The following ATXN2L variants were observed in gnomAD, a reference collection of about 807,000 sequenced individuals.
ATXN2L encodes ataxin 2 like, also known as ataxin-2-like protein.
In ATXN2L, 24 loss-of-function variants were observed where a neutral mutation model predicts 120.7. That is an observed-to-expected ratio of 0.20 (90% confidence interval 0.14 to 0.28). ATXN2L has a LOEUF of 0.28. Ranked by LOEUF, ATXN2L falls within the 10% of genes least tolerant of loss-of-function variation. ATXN2L has a pLI of 1.00. For synonymous variants in ATXN2L, 653 were observed against 568.1 expected (o/e 1.15, Z -2.13); for missense variants, 1,312 against 1,432.3 (o/e 0.92, Z 1.36).
chr16:28,824,492 A>T (rs1473245690), intron 1 of ATXN2L: 1 of 1,288,296 alleles, frequency 7.8e-7, no homozygotes, highest in Admixed American at 2.3e-5. Context: ...ACCGCCGGTT[A>T]CATCAGCCAG....
At chr16:28,824,643 T>G in intron 1 of ATXN2L, 1 of 1,154,162 alleles carries the variant, frequency 8.7e-7, no homozygotes, top group Non-Finnish European at 1.1e-6. Flanking sequence ...TGAAAATGAT[T>G]GTCTTTTCTG....
At chr16:28,824,146 C>T (rs1014392195) in intron 1 of ATXN2L, 5 of 1,023,888 alleles carry the variant, frequency 4.9e-6, no homozygotes, top group African/African-American at 1.7e-5. Context: ...GCGCCCCCTT[C>T]CCGTACGTGC....
rs965736612 is a variant in ATXN2L, at chr16:28,835,385, C to T, written c.2671C>T (p.Pro891Ser). Residue 891 changes from proline to serine, a missense_variant, in exon 20 of 22, where the codon CCC becomes TCC. Transcript: ENST00000336783. ...CCAGCCGCAGTCCCAGCATGCGGCCCCCAGTCCTGTCCAGGTGCCTGCCAT... is the reference window on the plus strand; with the variant it reads ...CCAGCCGCAGTCCCAGCATGCGGCCTCCAGTCCTGTCCAGGTGCCTGCCAT... ...GSQPQSQHAA[P>S]SPVQHQAGQA... 1.9e-6 allele frequency: 3 copies of T among 1,612,932 alleles called. No individual in the cohort carries two copies. Among genetic ancestry groups the T allele is most frequent in the Non-Finnish European group, 8.5e-7 (1 of 1,179,952 alleles).
intron 15 of ATXN2L, chr16:28,833,718 C>A: frequency 1.6e-6 from 1 of 621,000 alleles, no homozygotes. Context: ...ATCAGGGGAT[C>A]AGGGATCCCA....
rs753879668 is a variant in ATXN2L at position 28,832,509 on chromosome 16, T to C, written c.1530T>C (p.Ser510=). ...TTACTTGAACAGTAAAAGAACTCTCTACCAAGGAACCTGGGAGAACTCTGG... is the reference window on the plus strand; with the variant it reads ...TTACTTGAACAGTAAAAGAACTCTCCACCAAGGAACCTGGGAGAACTCTGG... ...SLAPTDVKEL[S]TKEPGRTLEP... is the part of the protein sequence containing the mutation. Residue 510 remains serine (S), a synonymous_variant, in exon 12 of 22, where the codon TCT becomes TCC. Transcript: ENST00000336783. 1.2e-6 allele frequency: 2 copies of C among 1,614,170 alleles called. No homozygotes were observed. Among genetic ancestry groups the C allele is most frequent in the Non-Finnish European group, 1.7e-6 (2 of 1,180,022 alleles).
chr16:28,836,756 C>T lies in ATXN2L; in HGVS notation c.*491C>T, dbSNP rs1140138. 3 of 1,614,088 alleles carry T rather than the reference C, an allele frequency of 1.9e-6. No homozygotes were observed. The highest frequency in any genetic ancestry group is 2.5e-6 in the Non-Finnish European group (3 of 1,179,990). On this transcript the variant is annotated 3_prime_UTR_variant, in exon 22 of 22. Transcript: ENST00000336783. ...AATCTCATCCCTCCCAGCAGCTCCC[C>T]TTCCACCCCCCGGGGAACTGAAGAT...
chr16:28,832,317 C>G lies in ATXN2L; in HGVS notation c.1434C>G (p.Ile478Met), dbSNP rs1397916525. The G allele has an allele frequency of 3.7e-6, 6 of 1,614,084 alleles. 1 individual carries two copies. The highest frequency in any genetic ancestry group is 3.3e-4 in the Middle Eastern group (2 of 6,084). Residue 478 changes from isoleucine to methionine, a missense_variant, in exon 11 of 22, where the codon ATC (isoleucine) becomes ATG (methionine). Physicochemically the swap from Ile to Met is conservative, Grantham distance 10. Transcript: ENST00000336783. Reference sequence around the variant, plus strand: ...CAGTGCCAACCTCTTCAGCCTCCATCCCTGTGACCTCATCAGTCTCAGATC... The same window carrying G: ...CAGTGCCAACCTCTTCAGCCTCCATGCCTGTGACCTCATCAGTCTCAGATC... ...GSAVPTSSAS[I>M]PVTSSVSDPG...
In ATXN2L at chr16:28,829,492, C is replaced by T. The variant is rs1364596735; in HGVS notation, c.833C>T (p.Thr278Met). ...TTYDSSLSSY[T>M]VPLEKDNSEE... is the part of the protein sequence containing the mutation. ...TATGATAGCAGTCTTTCTTCTTATA[C>T]GTGAGTATCTTGGTGCTCTCCAGGT... is the stretch of plus-strand genomic sequence containing the variant. Residue 278 changes from threonine (T) to methionine (M), a missense_variant and splice_region_variant, in exon 7 of 22, where the codon ACG becomes ATG. Transcript: ENST00000336783. The T allele has an allele frequency of 1.9e-6, 3 of 1,591,932 alleles. No homozygotes were observed. Among genetic ancestry groups the T allele is most frequent in the East Asian group, 2.2e-5 (1 of 44,744 alleles).
intron 1 of ATXN2L, chr16:28,823,981 C>A: frequency 2.1e-6 from 1 of 476,850 alleles, no homozygotes; most frequent in Non-Finnish European, 2.8e-6. Flanking sequence ...GAGGGGGGCG[C>A]GCGGCCCACA....
chr16:28,826,522 C>G (rs1363924017), intron 5 of ATXN2L, 132 bp downstream of exon 5: 9 of 1,032,322 alleles, frequency 8.7e-6, no homozygotes, highest in Non-Finnish European at 1.3e-5. Flanking sequence ...TGCTTTAATG[C>G]CTTTTTTTTC....
Position 28,823,365 on chromosome 16 carries a change from G to A in ATXN2L, c.106G>A (p.Gly36Ser), listed in dbSNP as rs769946937. Residue 36 changes from glycine to serine, a missense_variant, in exon 1 of 22, where the codon GGC becomes AGC. Coordinates refer to ENST00000336783, the MANE Select transcript of ATXN2L (RefSeq NM_007245.4). The part of the protein sequence containing the change: ...RPPGGTSPPN[G>S]GLPGPLATSA... ...CCCCGGGGGCACCAGCCCTCCCAAC[G>A]GCGGCCTCCCGGGGCCGCTGGCCAC... 8.1e-6 allele frequency: 11 copies of A among 1,354,294 alleles called. No homozygotes were observed. In the Admixed American group the frequency reaches 1.2e-4, roughly 15 times the overall value. 83.9% of individuals were successfully genotyped at this position (1,354,294 alleles called of 1,614,324 possible).
chr16:28,830,005 C>T lies in ATXN2L; in HGVS notation c.981C>T (p.His327=), dbSNP rs763822128. ...ATGGGCGCACTGAAGAGGAGAAGCA[C>T]AGTGCAGTCCAGCGGCAGGGCTCAG... is the stretch of plus-strand genomic sequence containing the variant. ...NDDGRTEEEK[H]SAVQRQGSGR... is the part of the protein sequence containing the mutation. Residue 327 remains histidine (H), a synonymous_variant, in exon 8 of 22, where the codon CAC becomes CAT. Transcript: ENST00000336783. 1 of 1,614,200 alleles carries T rather than the reference C, an allele frequency of 6.2e-7. No individual in the cohort carries two copies. Among genetic ancestry groups the T allele is most frequent in the African/African-American group, 1.3e-5 (1 of 75,070 alleles).
At chr16:28,829,023 G>A (rs2053350251) in intron 6 of ATXN2L, among the ~76,000 whole-genome samples, 2 of 152,134 alleles carry the variant, frequency 1.3e-5, no homozygotes, top group African/African-American at 2.4e-5. Flanking sequence ...GAGCCACCAC[G>A]CCCAGCTAGT....
At chr16:28,827,318 C>G (rs1192316795) in intron 6 of ATXN2L, among the ~76,000 whole-genome samples, 1 of 152,064 alleles carries the variant, frequency 6.6e-6, no homozygotes, top group Non-Finnish European at 1.5e-5. Context: ...CCTGTAGTCC[C>G]AGCTACTTGG....
chr16:28,824,477 C>T (rs2051009373), intron 1 of ATXN2L: 1 of 1,288,240 alleles, frequency 7.8e-7, no homozygotes, highest in Non-Finnish European at 1.0e-6. Flanking sequence ...CCCTCTTCGC[C>T]CTCAACCGCC....
In ATXN2L at chr16:28,835,051, C is replaced by G; in HGVS notation, c.2434-7C>G. 1.9e-6 allele frequency: 3 copies of G among 1,607,054 alleles called. No homozygotes were observed. The highest frequency in any genetic ancestry group is 2.6e-6 in the Non-Finnish European group (3 of 1,176,278). On this transcript the variant is annotated splice_region_variant and splice_polypyrimidine_tract_variant and intron_variant, in intron 18 of 21. Coordinates refer to ENST00000336783, the MANE Select transcript of ATXN2L (RefSeq NM_007245.4). ...TGTGCCAACCACTCCTCTCTCTGTC[C>G]CGCCAGCCGGTGTTTGCCCCCATGC...
Position 28,836,882 on chromosome 16 carries a change from TC to T in ATXN2L, c.*621del. 8.3e-7 allele frequency: 1 copy of T among 1,211,178 alleles called. No homozygotes were observed. Among genetic ancestry groups the T allele is most frequent in the Non-Finnish European group, 1.2e-6 (1 of 843,452 alleles). The allele number at this position is 1,211,178 out of a possible 1,614,324, so 75.0% of individuals were successfully genotyped here. Reference sequence around the variant, plus strand: ...CACTCCCAGCCCCCCATCCCCCCGTTCCCCAGGGGAGCTGGGGAATTCCTGC... The same window carrying T: ...CACTCCCAGCCCCCCATCCCCCCGTTCCCAGGGGAGCTGGGGAATTCCTGC... On this transcript the variant is annotated 3_prime_UTR_variant, in exon 22 of 22. Coordinates refer to ENST00000336783, the MANE Select transcript of ATXN2L (RefSeq NM_007245.4).
chr16:28,832,193 C>A lies in ATXN2L; in HGVS notation c.1322-12C>A, dbSNP rs775876942. ...AGCAGTAACCATCCTACAGCTCCCC[C>A]TTTTCTTCCAGTGGGCCGGATGTAT... is the stretch of plus-strand genomic sequence containing the variant. On this transcript the variant is annotated splice_polypyrimidine_tract_variant and intron_variant, in intron 10 of 21. Coordinates refer to ENST00000336783, the MANE Select transcript of ATXN2L (RefSeq NM_007245.4). The A allele has an allele frequency of 1.2e-6, 2 of 1,613,898 alleles. No individual in the cohort carries two copies. The highest frequency in any genetic ancestry group is 1.7e-6 in the Non-Finnish European group (2 of 1,179,936).
chr16:28,836,692 A>G lies in ATXN2L; in HGVS notation c.*427A>G, dbSNP rs1458696892. 6.2e-7 allele frequency: 1 copy of G among 1,612,484 alleles called. No individual in the cohort carries two copies. Among genetic ancestry groups the G allele is most frequent in the South Asian group, 1.1e-5 (1 of 91,034 alleles). On this transcript the variant is annotated 3_prime_UTR_variant, in exon 22 of 22. Transcript: ENST00000336783. ...AGGAAGGGACAGCTGCTTGGGTTCT[A>G]ATGCTCCTGCTCTCTTCTCTTTCCC...
Sources: gnomAD v4.1 joint callset for allele counts (sites outside exome capture counted in the v4.1 genomes callset) on GRCh38, gnomAD v4.1.1 for gene constraint, MANE v1.5 for transcripts, NCBI Gene and HGNC (gene_info 2026-07-23, HGNC 2026-07-21) for gene names.